CDK13: variants seen among roughly 807,000 people sequenced by gnomAD.
CDK13 encodes cyclin dependent kinase 13.
A neutral mutation model predicts 137.6 loss-of-function variants in CDK13; 40 were observed. The ratio of observed to expected loss-of-function variants is 0.29; its 90% CI spans 0.23 to 0.38. The LOEUF (loss-of-function observed/expected upper bound fraction) is 0.38, where lower values mean the gene tolerates loss of function less well. Among genes scored for constraint, CDK13 ranks in the 10% least tolerant of loss-of-function variants. CDK13 has a pLI of 1.00. For missense variants in CDK13, 1,704 were observed against 1,951.8 expected, an observed-to-expected ratio of 0.87 and a Z score of 2.39; for synonymous variants, 869 against 760.1, an observed-to-expected ratio of 1.14 and a Z score of -2.36.
intron 5 of CDK13, among the ~76,000 whole-genome samples, chr7:40,023,806 A>G (rs1049986519): frequency 5.3e-5 from 8 of 152,160 alleles, no homozygotes; most frequent in African/African-American, 1.7e-4. Context: ...TCTTAATACT[A>G]AAACTGCTGG....
At chr7:40,085,310 G>A (rs930273931) in intron 11 of CDK13, among the ~76,000 whole-genome samples, 17 of 151,874 alleles carry the variant, frequency 1.1e-4, no homozygotes, top group African/African-American at 4.1e-4. Context: ...GGAGTGAGCC[G>A]GGATAGCACC....
At chr7:39,961,474 C>T (rs944508569) in intron 1 of CDK13, among the ~76,000 whole-genome samples, 1 of 152,136 alleles carries the variant, frequency 6.6e-6, no homozygotes, top group Non-Finnish European at 1.5e-5. Flanking sequence ...AACTTTGTGT[C>T]TTTTGATCAA....
intron 1 of CDK13, among the ~76,000 whole-genome samples, chr7:39,967,108 G>A (rs952329884): frequency 4.6e-5 from 7 of 152,118 alleles, no homozygotes; most frequent in East Asian, 1.9e-4. Flanking sequence ...CTCCAGCTGC[G>A]TGCTGGGAGA....
intron 1 of CDK13, among the ~76,000 whole-genome samples, chr7:39,961,991 A>G (rs1783755069): frequency 6.6e-6 from 1 of 152,188 alleles, no homozygotes; most frequent in African/African-American, 2.4e-5. Flanking sequence ...GCTGCATAGT[A>G]TTCCATGGTG....
At chr7:40,037,366 C>T (rs1340614359) in intron 5 of CDK13, among the ~76,000 whole-genome samples, 2 of 152,162 alleles carry the variant, frequency 1.3e-5, no homozygotes, top group Admixed American at 6.5e-5. Context: ...CAAGATGGCT[C>T]CCCTCACATG....
intron 3 of CDK13, chr7:39,998,839 C>T (rs1202097910): frequency 6.6e-6 from 1 of 151,732 alleles, no homozygotes; most frequent in Non-Finnish European, 1.5e-5. Flanking sequence ...TTTGTACTCT[C>T]TTAGACTGAA....
chr7:39,965,671 T>G (rs1783855274), intron 1 of CDK13, among the ~76,000 whole-genome samples: 2 of 152,230 alleles, frequency 1.3e-5, no homozygotes, highest in African/African-American at 4.8e-5. Flanking sequence ...TGATGTTAGC[T>G]GGTTATTTTG....
intron 6 of CDK13, among the ~76,000 whole-genome samples, chr7:40,047,137 C>T (rs1349144146): frequency 2.6e-5 from 4 of 151,160 alleles, no homozygotes; most frequent in Admixed American, 6.6e-5. Flanking sequence ...AGCAATGTAA[C>T]TTCAGCTTTA....
intron 1 of CDK13, among the ~76,000 whole-genome samples, chr7:39,971,825 A>G (rs1226832303): frequency 3.9e-5 from 6 of 152,176 alleles, no homozygotes; most frequent in East Asian, 1.9e-4. Context: ...GGAGCTTGCA[A>G]TGAGCTGAGA....
At chr7:40,091,525 G>T (rs907448088) in intron 12 of CDK13, among the ~76,000 whole-genome samples, 20 of 151,234 alleles carry the variant, frequency 1.3e-4, no homozygotes, top group African/African-American at 4.8e-4. Flanking sequence ...AAAAAAAAAA[G>T]AAGGAGAATT....
In CDK13 at chr7:39,988,105, C is replaced by G. The variant is rs774684486; in HGVS notation, c.1718C>G (p.Thr573Arg). ...GGAAAGGAGAGTAAATCTGCTGCTACAAAGGAGGAATCAGTATCTCTTAAA... is the reference window on the plus strand; with the variant it reads ...GGAAAGGAGAGTAAATCTGCTGCTAGAAAGGAGGAATCAGTATCTCTTAAA... ...IVGKESKSAATKEESVSLKEK... is the reference protein window; with the variant it reads ...IVGKESKSAARKEESVSLKEK... The change falls in exon 2 of 14, where the codon ACA becomes AGA. Residue 573 changes from threonine (T) to arginine (R), a missense_variant. Transcript: ENST00000181839. 1.9e-6 allele frequency: 3 copies of G among 1,613,928 alleles called. No individual in the cohort carries two copies. The South Asian group carries it at 3.3e-5, about 18-fold the overall frequency.
At chr7:40,000,511 C>T (rs1784660395) in intron 4 of CDK13, among the ~76,000 whole-genome samples, 2 of 152,102 alleles carry the variant, frequency 1.3e-5, no homozygotes, top group African/African-American at 4.8e-5. Flanking sequence ...CCACTGCACT[C>T]CAGTCAGGGC....
intron 5 of CDK13, among the ~76,000 whole-genome samples, chr7:40,027,083 C>T (rs1297015386): frequency 6.6e-6 from 1 of 152,170 alleles, no homozygotes; most frequent in East Asian, 1.9e-4. Flanking sequence ...GTGGCTCATG[C>T]TTGTAATCCC....
rs754600933 is a variant in CDK13, at chr7:40,093,146, A to G, written c.3597A>G (p.Lys1199=). 4.3e-6 allele frequency: 7 copies of G among 1,614,232 alleles called. No homozygotes were observed. The highest frequency in any genetic ancestry group is 3.3e-4 in the Middle Eastern group (2 of 6,062). The part of the protein sequence containing the change: ...QLIKAQQSKQ[K]DVLLEERENG... ...TAAAGGCTCAGCAGTCAAAGCAGAA[A>G]GATGTGCTACTAGAAGAGAGGGAAA... is the stretch of plus-strand genomic sequence containing the variant. The change falls in exon 13 of 14, where the codon AAA becomes AAG. Residue 1199 remains lysine, a synonymous_variant. Transcript: ENST00000181839.
At chr7:40,018,648 C>T (rs963799558) in intron 5 of CDK13, among the ~76,000 whole-genome samples, 1 of 152,116 alleles carries the variant, frequency 6.6e-6, no homozygotes, top group Non-Finnish European at 1.5e-5. Flanking sequence ...AGTGAAGTAA[C>T]TCAGGAATGG....
At position 40,094,965 on chromosome 7, in the gene CDK13, A is replaced by G; in HGVS notation, c.4524A>G (p.Arg1508=). ...CATCAACTGGCAGAGGCAGAGGCAG[A>G]GGGTTACCATACTGAGTATCTGTTT... ...ISTSTGRGRG[R]GLPY is the part of the protein sequence containing the mutation. The change falls in exon 14 of 14, where the codon AGA becomes AGG. Residue 1508 remains arginine (R), a synonymous_variant. Transcript: ENST00000181839. The G allele has an allele frequency of 1.4e-6, 2 of 1,416,094 alleles. No individual in the cohort carries two copies. The highest frequency in any genetic ancestry group is 1.8e-6 in the Non-Finnish European group (2 of 1,082,244). The allele number at this position is 1,416,094 out of a possible 1,614,324, so 87.7% of individuals were successfully genotyped here.
chr7:40,071,191 T>C (rs1314000636), intron 9 of CDK13: 4 of 152,236 alleles, frequency 2.6e-5, no homozygotes, highest in African/African-American at 4.8e-5. Context: ...TCTCAAACTT[T>C]TTGGTTTCAT....
chr7:40,041,507 T>C (rs1285982625), intron 5 of CDK13, among the ~76,000 whole-genome samples: 1 of 152,238 alleles, frequency 6.6e-6, no homozygotes, highest in African/African-American at 2.4e-5. Flanking sequence ...CTATATACTT[T>C]TAATAATTCT....
At chr7:40,055,156 C>CTG (rs56001601) in intron 7 of CDK13, among the ~76,000 whole-genome samples, 17,200 of 140,274 alleles carry the variant, frequency 0.12, 976 homozygotes, top group African/African-American at 0.13. Flanking sequence ...GGCAGAAGGA[C>CTG]TGTGTGTGTG....
Sources: allele counts gnomAD v4.1 joint callset (sites outside exome capture counted in the v4.1 genomes callset), GRCh38; gene constraint gnomAD v4.1.1; transcripts MANE v1.5; gene names NCBI Gene and HGNC (gene_info 2026-07-23, HGNC 2026-07-21).